Variants in SPOCK1 observed in about 807,000 individuals in gnomAD.
The protein encoded by SPOCK1 is testican-1.
A neutral mutation model predicts 55.3 loss-of-function variants in SPOCK1; 23 were observed. That is an observed-to-expected ratio of 0.42 (90% CI 0.30 to 0.59). SPOCK1 has a LOEUF of 0.59. SPOCK1 is among the 20% of genes least tolerant of loss of function. The probability of loss-of-function intolerance (pLI) is 0.22; values close to 1 mark genes in which losing one functional copy is unlikely to be tolerated. For synonymous variants in SPOCK1, 226 were observed against 221.0 expected (o/e 1.02, Z -0.20); for missense variants, 499 against 552.5 (o/e 0.90, Z 0.97).
intron 2 of SPOCK1, among the ~76,000 whole-genome samples, chr5:137,485,198 A>G (rs2149843524): frequency 6.6e-6 from 1 of 152,346 alleles, no homozygotes; most frequent in Non-Finnish European, 1.5e-5. Context: ...ACCCACCATT[A>G]CAGCATAAAT....
At chr5:137,373,525 A>AG (rs1219912768) in intron 2 of SPOCK1, among the ~76,000 whole-genome samples, 3 of 152,180 alleles carry the variant, frequency 2.0e-5, no homozygotes, top group African/African-American at 7.2e-5. Flanking sequence ...ATCCTGGTGA[A>AG]GGGCCAAGAT....
At chr5:137,070,557 C>T (rs983983129) in intron 5 of SPOCK1, among the ~76,000 whole-genome samples, 1 of 152,204 alleles carries the variant, frequency 6.6e-6, no homozygotes, top group Non-Finnish European at 1.5e-5. Context: ...CTGTTCCAGT[C>T]CCTGGGTGCT....
At chr5:137,419,352 C>T (rs970967098) in intron 2 of SPOCK1, among the ~76,000 whole-genome samples, 1 of 152,078 alleles carries the variant, frequency 6.6e-6, no homozygotes, top group African/African-American at 2.4e-5. Context: ...TCATTGGTAG[C>T]TTGATGGGGA....
chr5:137,385,976 T>C (rs1182273866), intron 2 of SPOCK1, among the ~76,000 whole-genome samples: 1 of 152,186 alleles, frequency 6.6e-6, no homozygotes, highest in Non-Finnish European at 1.5e-5. Flanking sequence ...ATGGCCATAC[T>C]CCAGTGCAAT....
At chr5:137,346,554 G>C (rs1375816375) in intron 2 of SPOCK1, among the ~76,000 whole-genome samples, 1 of 152,330 alleles carries the variant, frequency 6.6e-6, no homozygotes, top group African/African-American at 2.4e-5. Context: ...AGGGTGAACA[G>C]GAGGAATGCA....
intron 2 of SPOCK1, among the ~76,000 whole-genome samples, chr5:137,380,092 G>A (rs1014928130): frequency 6.6e-6 from 1 of 152,160 alleles, no homozygotes; most frequent in Admixed American, 6.5e-5. Context: ...ATAAACTCCA[G>A]ACCGACAGCT....
chr5:137,090,985 G>A (rs1753043614), intron 5 of SPOCK1, among the ~76,000 whole-genome samples: 1 of 151,944 alleles, frequency 6.6e-6, no homozygotes. Flanking sequence ...CCAGGACCCA[G>A]GAAAAAAAGG....
At chr5:137,024,317 G>T (rs6863498) in intron 6 of SPOCK1, among the ~76,000 whole-genome samples, 1 of 89,160 alleles carries the variant, frequency 1.1e-5, no homozygotes, top group African/African-American at 3.2e-5. Context: ...AGTTTGAAGG[G>T]GGGGGGGTAG....
chr5:137,152,242 C>A (rs895344429), intron 3 of SPOCK1, among the ~76,000 whole-genome samples: 7 of 152,170 alleles, frequency 4.6e-5, no homozygotes, highest in African/African-American at 1.7e-4. Flanking sequence ...TCAGTCATGA[C>A]TAAAATACTT....
At chr5:137,204,361 G>C (rs996418455) in intron 3 of SPOCK1, among the ~76,000 whole-genome samples, 20 of 152,108 alleles carry the variant, frequency 1.3e-4, no homozygotes, top group Admixed American at 1.1e-3. Context: ...CTGTGTCTGG[G>C]AGAGCGCACT....
intron 3 of SPOCK1, among the ~76,000 whole-genome samples, chr5:137,248,635 G>A (rs1317828950): frequency 6.6e-6 from 1 of 152,184 alleles, no homozygotes; most frequent in Non-Finnish European, 1.5e-5. Context: ...CTCTGACCCT[G>A]GGCCTCTCTG....
intron 2 of SPOCK1, among the ~76,000 whole-genome samples, chr5:137,455,792 G>A (rs542288761): frequency 1.3e-5 from 2 of 152,266 alleles, no homozygotes; most frequent in East Asian, 3.9e-4. Context: ...ACTTTGAGAG[G>A]TCGAGGTGGG....
At chr5:137,412,816 G>C (rs1285768060) in intron 2 of SPOCK1, among the ~76,000 whole-genome samples, 1 of 152,156 alleles carries the variant, frequency 6.6e-6, no homozygotes, top group Admixed American at 6.6e-5. Flanking sequence ...AAATAAATGT[G>C]CAGGAATGTT....
At chr5:137,304,542 T>C (rs1757668624) in intron 2 of SPOCK1, among the ~76,000 whole-genome samples, 1 of 152,128 alleles carries the variant, frequency 6.6e-6, no homozygotes, top group African/African-American at 2.4e-5. Context: ...ATAGGATTTT[T>C]ATGGGAAGAG....
rs763093960 is a variant in SPOCK1, at chr5:137,040,324, A to G, written c.589+27391T>C. ...TTCTGATGAGCACCATCTGCTGCCA[A>G]TCCACACTGGGCATATGTCTTTTCG... On this transcript the variant is annotated intron_variant, in intron 6 of 10. Coordinates refer to ENST00000394945, the MANE Select transcript of SPOCK1 (RefSeq NM_004598.4). Among the ~76,000 whole-genome samples the G allele has an allele frequency of 5.9e-5, 9 of 152,236 alleles. No individual in the cohort carries two copies. The South Asian group carries it at 6.2e-4, about 10-fold the overall frequency.
intron 3 of SPOCK1, 48 bp from the exon 4 acceptor site, chr5:137,140,742 A>AT: frequency 1.1e-6 from 1 of 886,832 alleles, no homozygotes; most frequent in Non-Finnish European, 1.6e-6. Flanking sequence ...CTCCAGGGAA[A>AT]TTTAATTTTT....
chr5:137,430,089 C>T (rs1291634468), intron 2 of SPOCK1, among the ~76,000 whole-genome samples: 1 of 152,212 alleles, frequency 6.6e-6, no homozygotes, highest in African/African-American at 2.4e-5. Context: ...AGCTGGTAAA[C>T]AGCGTTTGAT....
At chr5:137,451,911 T>G (rs890025369) in intron 2 of SPOCK1, among the ~76,000 whole-genome samples, 1 of 152,224 alleles carries the variant, frequency 6.6e-6, no homozygotes, top group Admixed American at 6.5e-5. Flanking sequence ...AAAGGTTGAG[T>G]TTCCCTTATC....
At chr5:137,321,170 A>T (rs1339371560) in intron 2 of SPOCK1, among the ~76,000 whole-genome samples, 2 of 151,922 alleles carry the variant, frequency 1.3e-5, no homozygotes, top group African/African-American at 4.8e-5. Context: ...GTCATTGGAA[A>T]TTATTCAGTC....
Sources: allele counts gnomAD v4.1 joint callset (sites outside exome capture counted in the v4.1 genomes callset), GRCh38; gene constraint gnomAD v4.1.1; transcripts MANE v1.5; gene names NCBI Gene and HGNC (gene_info 2026-07-23, HGNC 2026-07-21).